Variants in CNOT3 observed in about 807,000 individuals in gnomAD.
CNOT3 encodes the protein CCR4-NOT transcription complex subunit 3.
CNOT3 carries 2 observed loss-of-function variants against 89.4 expected under a neutral mutation model. That is an observed-to-expected ratio of 0.02 (90% CI 0.01 to 0.07). CNOT3 has a LOEUF of 0.07. CNOT3 is among the 10% of genes least tolerant of loss of function. The probability of loss-of-function intolerance (pLI) is 1.00; values close to 1 mark genes in which losing one functional copy is unlikely to be tolerated. For synonymous variants in CNOT3, 486 were observed against 402.0 expected, an observed-to-expected ratio of 1.21 and a Z score of -2.50; for missense variants, 664 against 1,010.2, an observed-to-expected ratio of 0.66 and a Z score of 4.65.
chr19:54,140,713 C>A (rs2074415186), intron 1 of CNOT3, among the ~76,000 whole-genome samples: 1 of 152,152 alleles, frequency 6.6e-6, no homozygotes, highest in Non-Finnish European at 1.5e-5. Context: ...CTGTAGCCGA[C>A]TTCGATGTCA....
chr19:54,148,450 A>AGGC lies in CNOT3; in HGVS notation c.1204_1206dup (p.Gly402dup), dbSNP rs759703178. Reference sequence around the variant, plus strand: ...CCAGCGTCCAGCCTAGCGGAGGCGGAGGCGGCGGCAGCGGAGGCGGAGGGA... The same window carrying AGGC: ...CCAGCGTCCAGCCTAGCGGAGGCGGAGGCGGCGGCGGCAGCGGAGGCGGAGGGA... On this transcript the variant is annotated inframe_insertion, in exon 11 of 18. Transcript: ENST00000221232. This position sits in a 1 kb window ranked among gnomAD's most constrained non-coding sequence, Gnocchi z 6.3. 6 of 1,566,114 alleles carry AGGC rather than the reference A, an allele frequency of 3.8e-6. No homozygotes were observed. The African/African-American group carries it at 5.4e-5, about 14-fold the overall frequency.
chr19:54,149,697 C>A lies in CNOT3; in HGVS notation c.1544C>A (p.Ala515Asp). 1 of 1,614,048 alleles carries A rather than the reference C, an allele frequency of 6.2e-7. No homozygotes were observed. The highest frequency in any genetic ancestry group is 8.5e-7 in the Non-Finnish European group (1 of 1,179,948). Residue 515 changes from alanine to aspartate, a missense_variant, in exon 13 of 18, where the codon GCC (alanine) becomes GAC (aspartate). Coordinates refer to ENST00000221232, the MANE Select transcript of CNOT3 (RefSeq NM_014516.4). ...PSSPTPSFSD[A>D]KAAGALLNGP... ...TCCCCAACGCCCAGCTTCAGTGATG[C>A]CAAGGCAGCCGGTGCCCTGCTCAAT...
chr19:54,138,470 C>T (rs980050435), intron 1 of CNOT3, among the ~76,000 whole-genome samples: 9 of 152,054 alleles, frequency 5.9e-5, no homozygotes, highest in African/African-American at 1.7e-4. Flanking sequence ...TGTGGGGCAG[C>T]CTCCGCGCCG....
intron 13 of CNOT3, 35 bp from the exon 14 acceptor site, chr19:54,152,191 A>C (rs2075155092): frequency 6.2e-7 from 1 of 1,610,844 alleles, no homozygotes; most frequent in South Asian, 1.1e-5. Flanking sequence ...CCTGCAGCCC[A>C]AGTGCTCAGG....
chr19:54,143,363 T>A, intron 3 of CNOT3, 79 bp from the exon 4 acceptor site: 4 of 1,464,344 alleles, frequency 2.7e-6, no homozygotes, highest in Non-Finnish European at 3.8e-6. Flanking sequence ...CTCGAGTCCC[T>A]AGCATAAGGA....
chr19:54,148,849 T>G lies in CNOT3; in HGVS notation c.1406+106T>G. On this transcript the variant is annotated intron_variant, in intron 12 of 17. Coordinates refer to ENST00000221232, the MANE Select transcript of CNOT3 (RefSeq NM_014516.4). The surrounding 1 kb of genome is among the most constrained non-coding windows in gnomAD (Gnocchi z 6.3). Reference sequence around the variant, plus strand: ...TGGGTTCTGAACCCCCCGCCCTTGCTGCTGGGAATGGCCAAGCGCTATCCT... The same window carrying G: ...TGGGTTCTGAACCCCCCGCCCTTGCGGCTGGGAATGGCCAAGCGCTATCCT... The G allele has an allele frequency of 1.0e-6, 1 of 989,268 alleles. No homozygotes were observed. The highest frequency in any genetic ancestry group is 1.7e-5 in the South Asian group (1 of 60,088). The allele number at this position is 989,268 out of a possible 1,614,324, so 61.3% of individuals were successfully genotyped here.
At chr19:54,152,174 A>G (rs1287085204) in intron 13 of CNOT3, 52 bp from the exon 14 acceptor site, 12 of 1,597,988 alleles carry the variant, frequency 7.5e-6, no homozygotes, top group African/African-American at 6.7e-5. Flanking sequence ...GTCAGGCTGC[A>G]CTTGCTCCTG....
chr19:54,143,610 C>T, intron 4 of CNOT3, 50 bp from the exon 5 acceptor site: 1 of 1,608,024 alleles, frequency 6.2e-7, no homozygotes, highest in Non-Finnish European at 8.5e-7. Flanking sequence ...AGCTGTGGGC[C>T]CCAGTTCCTG....
rs200757074 is a variant in CNOT3, at chr19:54,148,278, G to T, written c.1025G>T (p.Gly342Val). 47 of 1,608,032 alleles carry T rather than the reference G, an allele frequency of 2.9e-5. No individual in the cohort carries two copies. The African/African-American group carries it at 5.8e-4, about 20-fold the overall frequency. The change falls in exon 11 of 18, where the codon GGG becomes GTG. Residue 342 changes from glycine to valine, a missense_variant. By Grantham distance (109) the Gly-to-Val change is moderately radical. Transcript: ENST00000221232. This position sits in a 1 kb window ranked among gnomAD's most constrained non-coding sequence, Gnocchi z 6.3. ...SALSTTPGNNGVPAPAAPPSA... is the reference protein window; with the variant it reads ...SALSTTPGNNVVPAPAAPPSA... ...TTGAGCACCACTCCTGGCAACAATG[G>T]GGTCCCCGCCCCCGCAGCACCCCCA...
At chr19:54,142,637 T>TG in intron 1 of CNOT3, 1 of 502,474 alleles carries the variant, frequency 2.0e-6, no homozygotes, top group Non-Finnish European at 3.6e-6. Flanking sequence ...GAGTGTATTC[T>TG]GGGGAGAAGG....
At position 54,145,648 on chromosome 19, in the gene CNOT3, C is replaced by T; in HGVS notation, c.534C>T (p.Tyr178=). Residue 178 remains tyrosine (Y), a synonymous_variant, in exon 8 of 18, where the codon TAC becomes TAT. Coordinates refer to ENST00000221232, the MANE Select transcript of CNOT3 (RefSeq NM_014516.4). This position sits in a 1 kb window ranked among gnomAD's most constrained non-coding sequence, Gnocchi z 5.9. ...AGCGGCACATCGAGAAGCACCGCTA[C>T]CACGTGCGCATGCTAGAGACCATCC... is the stretch of plus-strand genomic sequence containing the variant. ...GLKRHIEKHR[Y]HVRMLETILR... 6.2e-7 allele frequency: 1 copy of T among 1,613,910 alleles called. No individual in the cohort carries two copies.
At chr19:54,143,946 G>A (rs1163118059) in intron 5 of CNOT3, 60 bp from the exon 6 acceptor site, 4 of 1,574,120 alleles carry the variant, frequency 2.5e-6, no homozygotes, top group Admixed American at 2.1e-5. Flanking sequence ...GTGTCTGCTG[G>A]CCCTTAGTCA....
Position 54,148,399 on chromosome 19 carries a change from G to A in CNOT3, c.1146G>A (p.Gly382=). Reference sequence around the variant, plus strand: ...CTGTGGCCCCACCAGCTCCCAGTGGGCCCAGCACGACCCAGCCCCGGCCCC... The same window carrying A: ...CTGTGGCCCCACCAGCTCCCAGTGGACCCAGCACGACCCAGCCCCGGCCCC... ...AQAVAPPAPS[G]PSTTQPRPPS... Residue 382 remains glycine, a synonymous_variant, in exon 11 of 18, where the codon GGG becomes GGA. Transcript: ENST00000221232. The surrounding 1 kb of genome is among the most constrained non-coding windows in gnomAD (Gnocchi z 6.3). The A allele has an allele frequency of 1.3e-6, 2 of 1,564,118 alleles. No individual in the cohort carries two copies. Among genetic ancestry groups the A allele is most frequent in the Non-Finnish European group, 8.7e-7 (1 of 1,153,552 alleles).
chr19:54,153,600 C>A, intron 16 of CNOT3, 115 bp from the exon 17 acceptor site: 1 of 818,006 alleles, frequency 1.2e-6, no homozygotes, highest in African/African-American at 1.7e-5. Context: ...TTGTCCAGCC[C>A]AACTGTGGTC....
chr19:54,149,727 C>T lies in CNOT3; in HGVS notation c.1574C>T (p.Pro525Leu), dbSNP rs770213000. The change falls in exon 13 of 18, where the codon CCT becomes CTT. Residue 525 changes from proline to leucine, a missense_variant. Transcript: ENST00000221232. ...AKAAGALLNG[P>L]PQFSTAPEIK... The stretch of plus-strand genomic sequence containing the variant: ...GCAGCCGGTGCCCTGCTCAATGGGC[C>T]TCCACAGTTCAGCACCGCCCCAGAA... The T allele has an allele frequency of 1.9e-6, 3 of 1,613,540 alleles. No individual in the cohort carries two copies. Among genetic ancestry groups the T allele is most frequent in the Non-Finnish European group, 1.7e-6 (2 of 1,179,732 alleles).
At position 54,143,070 on chromosome 19, in the gene CNOT3, T is replaced by C. The variant is rs201044682; in HGVS notation, c.26-49T>C. The C allele has an allele frequency of 4.4e-5, 71 of 1,611,796 alleles. No homozygotes were observed. In the South Asian group the frequency reaches 7.5e-4, roughly 17 times the overall value. ...CCTCTTCTGAGGACTGCTCTTTAGA[T>C]ACCTGCCACCTGGGCAGGATTCTCA... On this transcript the variant is annotated intron_variant, in intron 2 of 17. Transcript: ENST00000221232.
At chr19:54,140,470 T>C (rs2074403491) in intron 1 of CNOT3, among the ~76,000 whole-genome samples, 5 of 152,128 alleles carry the variant, frequency 3.3e-5, no homozygotes, top group Admixed American at 3.3e-4. Flanking sequence ...ATGGGGCTCT[T>C]TCTTCTCTGG....
In CNOT3 at chr19:54,145,837, C is replaced by G. The variant is rs201428907; in HGVS notation, c.703+20C>G. Reference sequence around the variant, plus strand: ...ACATTCGTGAGGCCCTGGGGCTGATCGTGGCACAGGAAGTGAGGGCCCAGA... The same window carrying G: ...ACATTCGTGAGGCCCTGGGGCTGATGGTGGCACAGGAAGTGAGGGCCCAGA... On this transcript the variant is annotated intron_variant, in intron 8 of 17. Transcript: ENST00000221232. The surrounding 1 kb of genome is among the most constrained non-coding windows in gnomAD (Gnocchi z 5.9). The G allele has an allele frequency of 4.4e-6, 7 of 1,608,072 alleles. No homozygotes were observed. In the East Asian group the frequency reaches 1.1e-4, roughly 26 times the overall value.
At position 54,152,244 on chromosome 19, in the gene CNOT3, T is replaced by C; in HGVS notation, c.1624T>C (p.Ser542Pro). 1 of 1,613,864 alleles carries C rather than the reference T, an allele frequency of 6.2e-7. No individual in the cohort carries two copies. Among genetic ancestry groups the C allele is most frequent in the Non-Finnish European group, 8.5e-7 (1 of 1,179,940 alleles). The change falls in exon 14 of 18, where the codon TCC becomes CCC. Residue 542 changes from serine to proline, a missense_variant. Physicochemically the swap from Ser to Pro is moderately conservative, Grantham distance 74. This residue lies in a region of CNOT3 where 545 missense variants were observed against 566.2 expected (regional missense o/e 0.96). Transcript: ENST00000221232. ...TCCCCAGGCCCCTGAGCCTCTGAGC[T>C]CCTTGAAGTCCATGGCGGAACGGGC... ...PEIKAPEPLS[S>P]LKSMAERAAI...
Sources: allele counts gnomAD v4.1 joint callset (sites outside exome capture counted in the v4.1 genomes callset), GRCh38; gene constraint gnomAD v4.1.1; regional missense constraint gnomAD v4.1.1; non-coding constraint Gnocchi (gnomAD v3.1); transcripts MANE v1.5; gene names NCBI Gene and HGNC (gene_info 2026-07-23, HGNC 2026-07-21).